Variants in CHST6 observed in about 807,000 individuals in gnomAD.
The protein encoded by CHST6 is carbohydrate sulfotransferase 6, also known as N-acetylglucosamine 6-O-sulfotransferase 5.
For missense variants in CHST6, 698 were observed against 586.2 expected, an observed-to-expected ratio of 1.19 and a Z score of -1.97; for synonymous variants, 309 against 276.4, an observed-to-expected ratio of 1.12 and a Z score of -1.17.
intron 2 of CHST6, 109 bp downstream of exon 2, chr16:75,481,699 AGGATGTCCT>A (rs1315908390): frequency 2.6e-6 from 1 of 384,340 alleles, no homozygotes; most frequent in African/African-American, 2.1e-5. Context: ...CTCCAGAGGG[AGGATGTCCT>A]GGAGCCCTGT....
Position 75,472,369 on chromosome 16 carries a change from G to C in CHST6, c.*6272C>G, listed in dbSNP as rs2080029429. ...ACAACAAAAAACAGATGACAAGCTAGGAGAAACCATTTGCACAACAAAAAT... is the reference window on the plus strand; with the variant it reads ...ACAACAAAAAACAGATGACAAGCTACGAGAAACCATTTGCACAACAAAAAT... On this transcript the variant is annotated 3_prime_UTR_variant, in exon 3 of 3. Transcript: ENST00000332272. 6.6e-6 allele frequency: 1 copy of C among 152,128 alleles called. No individual in the cohort carries two copies. Among genetic ancestry groups the C allele is most frequent in the African/African-American group, 2.4e-5 (1 of 41,424 alleles). The allele number at this position is 152,128 out of a possible 1,614,324, so 9.4% of individuals were successfully genotyped here. A position where few individuals can be genotyped will look rare whatever the true frequency, so the allele number is the denominator to read the frequency against.
intron 1 of CHST6, among the ~76,000 whole-genome samples, chr16:75,489,890 T>C (rs1347777389): frequency 1.3e-5 from 2 of 152,046 alleles, no homozygotes; most frequent in South Asian, 2.1e-4. Context: ...AATGGAAAGA[T>C]GCTCAACCAG....
chr16:75,479,936 A>C, intron 2 of CHST6, 92 bp from the exon 3 acceptor site: 1 of 1,070,894 alleles, frequency 9.3e-7, no homozygotes, highest in Non-Finnish European at 1.3e-6. Flanking sequence ...AGATTCTACC[A>C]CCAGACCCGA....
Position 75,473,671 on chromosome 16 carries a change from A to G in CHST6, c.*4970T>C, listed in dbSNP as rs886052295. On this transcript the variant is annotated 3_prime_UTR_variant, in exon 3 of 3. Transcript: ENST00000332272. Reference sequence around the variant, plus strand: ...GAGGTGGTACCAGAGGCTGCTGCAGACAAATCCTGTTGCATCAGCTTCCTC... The same window carrying G: ...GAGGTGGTACCAGAGGCTGCTGCAGGCAAATCCTGTTGCATCAGCTTCCTC... 3 of 152,194 alleles carry G rather than the reference A, an allele frequency of 2.0e-5. No individual in the cohort carries two copies. Among genetic ancestry groups the G allele is most frequent in the Non-Finnish European group, 4.4e-5 (3 of 68,046 alleles). 9.4% of individuals were successfully genotyped at this position (152,194 alleles called of 1,614,324 possible).
intron 1 of CHST6, among the ~76,000 whole-genome samples, chr16:75,485,040 G>A (rs947710912): frequency 1.3e-5 from 2 of 152,070 alleles, no homozygotes; most frequent in Non-Finnish European, 2.9e-5. Context: ...AACCTCAGAG[G>A]CAATTCTGCT....
chr16:75,493,099 G>A (rs1170671660), intron 1 of CHST6, among the ~76,000 whole-genome samples: 2 of 152,140 alleles, frequency 1.3e-5, no homozygotes, highest in Non-Finnish European at 2.9e-5. Flanking sequence ...GCAGAATGGT[G>A]TCTGTCTCAT....
At chr16:75,483,723 G>A (rs769953886) in intron 1 of CHST6, among the ~76,000 whole-genome samples, 10 of 152,148 alleles carry the variant, frequency 6.6e-5, no homozygotes, top group Non-Finnish European at 1.2e-4. Context: ...GGAAGGGCAG[G>A]GGCTTAAATC....
chr16:75,478,782 G>C lies in CHST6; in HGVS notation c.1047C>G (p.Cys349Trp), dbSNP rs1250821775. ...FAKIRRVQEL[C>W]AGALQLLGYR... ...AGCCCAGCAGCTGCAGCGCACCAGC[G>C]CACAGTTCCTGCACGCGGCGGATCT... The change falls in exon 3 of 3, where the codon TGC becomes TGG. Residue 349 changes from cysteine (C) to tryptophan (W), a missense_variant. By Grantham distance (215) the Cys-to-Trp change is radical (BLOSUM62 -2). Coordinates refer to ENST00000332272, the MANE Select transcript of CHST6 (RefSeq NM_021615.5). 3.1e-6 allele frequency: 5 copies of C among 1,613,370 alleles called. No homozygotes were observed. The highest frequency in any genetic ancestry group is 4.2e-6 in the Non-Finnish European group (5 of 1,180,004).
rs1471974432 is a variant in CHST6 at position 75,472,836 on chromosome 16, C to T, written c.*5805G>A. On this transcript the variant is annotated 3_prime_UTR_variant, in exon 3 of 3. Transcript: ENST00000332272. ...TGACCTATTCCAGGCAACACTGTTT[C>T]TATGCACCCATCAGCCCATCTAGTG... is the stretch of plus-strand genomic sequence containing the variant. The T allele has an allele frequency of 6.6e-6, 1 of 152,208 alleles. No homozygotes were observed. The highest frequency in any genetic ancestry group is 1.9e-4 in the East Asian group (1 of 5,200). 9.4% of individuals were successfully genotyped at this position (152,208 alleles called of 1,614,324 possible).
intron 1 of CHST6, among the ~76,000 whole-genome samples, chr16:75,490,131 C>T (rs904944943): frequency 2.9e-5 from 4 of 138,450 alleles, no homozygotes; most frequent in African/African-American, 5.5e-5. Flanking sequence ...CAAGGTTGTG[C>T]CATTGCATTC....
At chr16:75,480,039 G>A (rs1302842676) in intron 2 of CHST6, among the ~76,000 whole-genome samples, 195 bp from the exon 3 acceptor site, 1 of 152,214 alleles carries the variant, frequency 6.6e-6, no homozygotes, top group Admixed American at 6.5e-5. Context: ...GAGAGCAAAA[G>A]TACAAATGCA....
chr16:75,482,019 C>T (rs2080147397), intron 1 of CHST6, 128 bp from the exon 2 acceptor site: 6 of 364,862 alleles, frequency 1.6e-5, no homozygotes, highest in Non-Finnish European at 2.7e-5. Context: ...CCTCTTAGGG[C>T]TGTGAGATGC....
rs927917895 is a variant in CHST6, at chr16:75,476,802, T to C, written c.*1839A>G. 3 of 149,510 alleles carry C rather than the reference T, an allele frequency of 2.0e-5. No individual in the cohort carries two copies. The highest frequency in any genetic ancestry group is 1.3e-4 in the Admixed American group (2 of 14,896). 9.3% of individuals were successfully genotyped at this position (149,510 alleles called of 1,614,324 possible). On this transcript the variant is annotated 3_prime_UTR_variant, in exon 3 of 3. Transcript: ENST00000332272. ...CTCTGTCACCCAGGCTGGAGTGCAA[T>C]GGCGTGATCTTGGCTCACTGCAACC...
Position 75,481,149 on chromosome 16 carries a change from G to A in CHST6, c.-17+668C>T, listed in dbSNP as rs191463838. Among the ~76,000 whole-genome samples, 5 of 151,934 alleles carry A rather than the reference G, an allele frequency of 3.3e-5. No individual in the cohort carries two copies. In the East Asian group the frequency reaches 7.8e-4, roughly 24 times the overall value. The stretch of plus-strand genomic sequence containing the variant: ...AGGAAAGCCAGGTGTGGTGGAGTGC[G>A]CCTGTGGTCCCTGCTATTCGGGAGG... On this transcript the variant is annotated intron_variant, in intron 2 of 2. Coordinates refer to ENST00000332272, the MANE Select transcript of CHST6 (RefSeq NM_021615.5).
chr16:75,495,220 A>C lies in CHST6; in HGVS notation c.-372T>G, dbSNP rs1045583990. 2 of 152,476 alleles carry C rather than the reference A, an allele frequency of 1.3e-5. No individual in the cohort carries two copies. Among genetic ancestry groups the C allele is most frequent in the African/African-American group, 4.8e-5 (2 of 41,468 alleles). 9.4% of individuals were successfully genotyped at this position (152,476 alleles called of 1,614,324 possible). ...CTCCTGGAGACTCGAGGTAGAACGA[A>C]TGTGGGAACAGGGCAGGAGTCCCAG... On this transcript the variant is annotated 5_prime_UTR_variant, in exon 1 of 3. Coordinates refer to ENST00000332272, the MANE Select transcript of CHST6 (RefSeq NM_021615.5).
intron 1 of CHST6, among the ~76,000 whole-genome samples, chr16:75,491,699 T>A (rs553361922): frequency 3.6e-4 from 55 of 152,282 alleles, no homozygotes; most frequent in Middle Eastern, 3.4e-3. Context: ...AGTGCTTTGC[T>A]GCATTTTCCA....
chr16:75,484,977 G>A (rs989207934), intron 1 of CHST6, among the ~76,000 whole-genome samples: 2 of 152,212 alleles, frequency 1.3e-5, no homozygotes, highest in African/African-American at 4.8e-5. Flanking sequence ...CACAAGGCCA[G>A]TCAGGCAGAA....
chr16:75,486,218 CT>C (rs1567413307), intron 1 of CHST6, among the ~76,000 whole-genome samples: 1 of 152,252 alleles, frequency 6.6e-6, no homozygotes, highest in African/African-American at 2.4e-5. Context: ...TTGTACTTTG[CT>C]TTCCCTTCTT....
At chr16:75,489,708 G>C (rs1404591650) in intron 1 of CHST6, among the ~76,000 whole-genome samples, 4 of 151,864 alleles carry the variant, frequency 2.6e-5, no homozygotes, top group Admixed American at 6.6e-5. Context: ...CTTGTACCCA[G>C]AATATAAGAA....
Sources: allele counts gnomAD v4.1 joint callset (sites outside exome capture counted in the v4.1 genomes callset), GRCh38; gene constraint gnomAD v4.1.1; transcripts MANE v1.5; gene names NCBI Gene and HGNC (gene_info 2026-07-23, HGNC 2026-07-21).